Variants in KCNB2 observed in about 807,000 individuals in gnomAD.
The protein encoded by KCNB2 is delayed rectifier potassium channel protein.
Under a neutral mutation model 61.5 loss-of-function variants are expected in KCNB2, and 15 were observed. That is an observed-to-expected ratio of 0.24 (90% CI 0.16 to 0.38). KCNB2 has a LOEUF of 0.38. Ranked by LOEUF, KCNB2 falls within the 10% of genes least tolerant of loss-of-function variation. KCNB2 has a pLI of 1.00. For missense variants in KCNB2, 828 were observed against 1,125.2 expected, an observed-to-expected ratio of 0.74 and a Z score of 3.78; for synonymous variants, 457 against 446.0, an observed-to-expected ratio of 1.02 and a Z score of -0.31.
At chr8:72,808,246 A>C (rs1438190062) in intron 2 of KCNB2, among the ~76,000 whole-genome samples, 1 of 152,224 alleles carries the variant, frequency 6.6e-6, no homozygotes, top group Non-Finnish European at 1.5e-5. Flanking sequence ...TCACTGATAA[A>C]TTTTAAAATC....
At chr8:72,628,295 T>C (rs1805823694) in intron 2 of KCNB2, among the ~76,000 whole-genome samples, 1 of 152,074 alleles carries the variant, frequency 6.6e-6, no homozygotes, top group South Asian at 2.1e-4. Context: ...ATGAGTCCTG[T>C]AGGATTTTTT....
At chr8:72,709,976 G>T (rs898639004) in intron 2 of KCNB2, among the ~76,000 whole-genome samples, 12 of 152,090 alleles carry the variant, frequency 7.9e-5, no homozygotes, top group African/African-American at 2.4e-4. Context: ...TAAAGTAGGG[G>T]CTGTTGACTT....
At position 72,769,843 on chromosome 8, in the gene KCNB2, T is replaced by C. The variant is rs143406069; in HGVS notation, c.580-166092T>C. 5.6e-3 allele frequency among the ~76,000 whole-genome samples: 860 copies of C among 152,308 alleles called. 8 individuals are homozygous for C. Among genetic ancestry groups the C allele is most frequent in the South Asian group, 0.023 (111 of 4,820 alleles). ...GAAGTGATCCCAGATCTAGCATCAC[T>C]GACCAAGAATCATAGAACTTTCATT... On this transcript the variant is annotated intron_variant, in intron 2 of 2. Transcript: ENST00000523207.
chr8:72,846,383 A>G (rs1191617066), intron 2 of KCNB2, among the ~76,000 whole-genome samples: 8 of 152,206 alleles, frequency 5.3e-5, no homozygotes, highest in Non-Finnish European at 1.0e-4. Context: ...ACCGAAAGCA[A>G]TGGTAACAAA....
At chr8:72,922,273 G>T (rs1284833895) in intron 2 of KCNB2, among the ~76,000 whole-genome samples, 2 of 152,044 alleles carry the variant, frequency 1.3e-5, no homozygotes, top group Admixed American at 6.6e-5. Flanking sequence ...TGGATTTAGG[G>T]CCCATCCTAA....
intron 2 of KCNB2, among the ~76,000 whole-genome samples, chr8:72,653,586 T>G (rs1806244498): frequency 6.6e-6 from 1 of 150,862 alleles, no homozygotes; most frequent in African/African-American, 2.4e-5. Context: ...TATTACCTAA[T>G]GAGGAATCAG....
intron 2 of KCNB2, among the ~76,000 whole-genome samples, chr8:72,658,256 A>G (rs924938932): frequency 1.3e-5 from 2 of 152,188 alleles, no homozygotes; most frequent in South Asian, 2.1e-4. Context: ...CACAAATAAT[A>G]AGAAAAAGAA....
intron 2 of KCNB2, among the ~76,000 whole-genome samples, chr8:72,630,335 G>T (rs746345727): frequency 9.2e-5 from 14 of 152,096 alleles, no homozygotes; most frequent in Non-Finnish European, 1.9e-4. Context: ...GATACAGATG[G>T]ATAGATGTGA....
At chr8:72,645,099 G>A (rs1181276729) in intron 2 of KCNB2, among the ~76,000 whole-genome samples, 4 of 152,088 alleles carry the variant, frequency 2.6e-5, no homozygotes, top group African/African-American at 9.7e-5. Context: ...GCTCCATGAT[G>A]CAGTCCATTG....
intron 2 of KCNB2, among the ~76,000 whole-genome samples, chr8:72,830,365 C>T (rs948922438): frequency 6.6e-6 from 1 of 151,954 alleles, no homozygotes; most frequent in African/African-American, 2.4e-5. Context: ...AGGTCCTGCT[C>T]AACCAAGATG....
chr8:72,801,495 A>G (rs1007129080), intron 2 of KCNB2, among the ~76,000 whole-genome samples: 8 of 152,226 alleles, frequency 5.3e-5, no homozygotes, highest in African/African-American at 1.9e-4. Flanking sequence ...TTGTTGTCAT[A>G]ATAGTTTCCA....
At chr8:72,636,721 T>A (rs1805972026) in intron 2 of KCNB2, among the ~76,000 whole-genome samples, 1 of 152,190 alleles carries the variant, frequency 6.6e-6, no homozygotes, top group Non-Finnish European at 1.5e-5. Context: ...TATGGTGTTT[T>A]CTCTACATCA....
At chr8:72,856,784 A>C (rs1436918600) in intron 2 of KCNB2, among the ~76,000 whole-genome samples, 1 of 152,190 alleles carries the variant, frequency 6.6e-6, no homozygotes, top group Non-Finnish European at 1.5e-5. Flanking sequence ...TGTATTACGG[A>C]AGAAAAAAGC....
intron 2 of KCNB2, among the ~76,000 whole-genome samples, chr8:72,735,754 C>G (rs139339114): frequency 1.3e-5 from 2 of 152,298 alleles, no homozygotes; most frequent in African/African-American, 4.8e-5. Flanking sequence ...GTAATAGACA[C>G]AGTATGCATA....
chr8:72,919,286 C>T (rs1806459496), intron 2 of KCNB2, among the ~76,000 whole-genome samples: 1 of 152,086 alleles, frequency 6.6e-6, no homozygotes, highest in African/African-American at 2.4e-5. Context: ...GCCCTGCCCA[C>T]TAAGTCTTCT....
intron 2 of KCNB2, among the ~76,000 whole-genome samples, chr8:72,821,641 C>CAAAAAAAAA (rs61090576): frequency 4.0e-5 from 5 of 125,744 alleles, no homozygotes; most frequent in African/African-American, 1.2e-4. Context: ...CAAAAAAAAA[C>CAAAAAAAAA]AAAAAAAAAA....
chr8:72,675,254 T>C (rs16938303), intron 2 of KCNB2, among the ~76,000 whole-genome samples: 4,060 of 152,328 alleles, frequency 0.027, 72 homozygotes, highest in South Asian at 0.074. Flanking sequence ...TGTTTATGAG[T>C]TTCCTGATGG....
At chr8:72,600,404 GGACACA>G (rs1225863085) in intron 2 of KCNB2, among the ~76,000 whole-genome samples, 1 of 152,006 alleles carries the variant, frequency 6.6e-6, no homozygotes, top group African/African-American at 2.4e-5. Context: ...GAGAACACAT[GGACACA>G]GGAAGGGGAA....
At chr8:72,914,721 C>A (rs1375646152) in intron 2 of KCNB2, among the ~76,000 whole-genome samples, 1 of 152,148 alleles carries the variant, frequency 6.6e-6, no homozygotes, top group Non-Finnish European at 1.5e-5. Flanking sequence ...ATTCAGCCAA[C>A]TATTGAGATA....
Sources: allele counts gnomAD v4.1 joint callset (sites outside exome capture counted in the v4.1 genomes callset), GRCh38; gene constraint gnomAD v4.1.1; transcripts MANE v1.5; gene names NCBI Gene and HGNC (gene_info 2026-07-23, HGNC 2026-07-21).